The following ORC2 variants were observed in gnomAD, a reference collection of about 807,000 sequenced individuals.
The protein encoded by ORC2 is origin recognition complex protein 2 homolog.
Under a neutral mutation model 77.7 loss-of-function variants are expected in ORC2, and 37 were observed. The observed-to-expected ratio is 0.48, with a 90% CI of 0.37 to 0.63. The LOEUF (loss-of-function observed/expected upper bound fraction) is 0.63, where lower values mean the gene tolerates loss of function less well. ORC2 is among the 20% of genes least tolerant of loss of function. The pLI, the probability that ORC2 is intolerant of heterozygous loss-of-function variation, is 0.00. For missense variants in ORC2, 557 were observed against 661.9 expected (o/e 0.84, Z 1.74); for synonymous variants, 201 against 229.5 (o/e 0.88, Z 1.12).
At chr2:200,947,978 G>A (rs1220668283) in intron 5 of ORC2, among the ~76,000 whole-genome samples, 5 of 151,532 alleles carry the variant, frequency 3.3e-5, no homozygotes, top group Non-Finnish European at 5.9e-5. Context: ...GCGCGATCTC[G>A]GCTCACTGCA....
At position 200,921,022 on chromosome 2, in the gene ORC2, G is replaced by T. The variant is rs1449292152; in HGVS notation, c.1265C>A (p.Ala422Glu). The part of the protein sequence containing the change: ...LSSLHNIYLI[A>E]SIDHLNAPLM... Reference sequence around the variant, plus strand: ...AGGAGCATTGAGGTGGTCAATGGATGCTATAAGGTAAATGTTATGCAAAGA... The same window carrying T: ...AGGAGCATTGAGGTGGTCAATGGATTCTATAAGGTAAATGTTATGCAAAGA... The change falls in exon 14 of 18, where the codon GCA (alanine) becomes GAA (glutamate). Residue 422 changes from alanine to glutamate, a missense_variant. Ala to Glu is a moderately radical substitution (Grantham distance 107, BLOSUM62 -1). Transcript: ENST00000234296. 8 of 1,598,866 alleles carry T rather than the reference G, an allele frequency of 5.0e-6. No homozygotes were observed. Among genetic ancestry groups the T allele is most frequent in the Non-Finnish European group, 6.8e-6 (8 of 1,171,740 alleles).
Position 200,920,995 on chromosome 2 carries a change from A to T in ORC2, c.1292T>A (p.Leu431His). 6.4e-7 allele frequency: 1 copy of T among 1,557,680 alleles called. No individual in the cohort carries two copies. Among genetic ancestry groups the T allele is most frequent in the Non-Finnish European group, 8.7e-7 (1 of 1,151,030 alleles). ...AAAAATAGTAACAATTAACTTACTG[A>T]GAGGAGCATTGAGGTGGTCAATGGA... is the stretch of plus-strand genomic sequence containing the variant. Reference protein sequence around the residue: ...IASIDHLNAPLMWDHAKQSLF... With the variant: ...IASIDHLNAPHMWDHAKQSLF... Residue 431 changes from leucine (L) to histidine (H), a missense_variant and splice_region_variant, in exon 14 of 18, where the codon CTC becomes CAC. Transcript: ENST00000234296.
intron 10 of ORC2, among the ~76,000 whole-genome samples, chr2:200,932,167 G>A (rs1441469318): frequency 6.6e-6 from 1 of 150,924 alleles, no homozygotes; most frequent in Non-Finnish European, 1.5e-5. Context: ...TGTTAAGTAG[G>A]TAGTTAAAAA....
rs540599862 is a variant in ORC2, at chr2:200,943,807, T to G, written c.329-1030A>C. 4.6e-5 allele frequency among the ~76,000 whole-genome samples: 7 copies of G among 152,188 alleles called. No individual in the cohort carries two copies. The South Asian group carries it at 1.2e-3, about 27-fold the overall frequency. On this transcript the variant is annotated intron_variant, in intron 5 of 17. Transcript: ENST00000234296. The stretch of plus-strand genomic sequence containing the variant: ...TTCTATATGATTCACTAAGTTTTTT[T>G]TTTTTTTTTAATCTTCCCTTGATAT...
intron 10 of ORC2, among the ~76,000 whole-genome samples, chr2:200,933,096 C>T (rs763763803): frequency 2.0e-5 from 3 of 151,986 alleles, no homozygotes; most frequent in African/African-American, 4.8e-5. Flanking sequence ...TTCTCTGATC[C>T]GAGTCTCAAT....
At chr2:200,941,738 G>A (rs1575172895) in intron 6 of ORC2, among the ~76,000 whole-genome samples, 1 of 152,160 alleles carries the variant, frequency 6.6e-6, no homozygotes, top group Non-Finnish European at 1.5e-5. Flanking sequence ...CGTAATCCCA[G>A]CACTTTGGGA....
chr2:200,960,751 T>C (rs2041555875), intron 1 of ORC2, among the ~76,000 whole-genome samples: 1 of 152,156 alleles, frequency 6.6e-6, no homozygotes, highest in African/African-American at 2.4e-5. Flanking sequence ...TCTATTAGGG[T>C]TGAAATTCAC....
chr2:200,963,316 G>T, intron 1 of ORC2, 174 bp downstream of exon 1: 1 of 397,062 alleles, frequency 2.5e-6, no homozygotes, highest in Non-Finnish European at 4.4e-6. Context: ...AGCCTGCGGG[G>T]GGCAGCGAGG....
intron 4 of ORC2, among the ~76,000 whole-genome samples, chr2:200,950,680 C>A (rs1452025175): frequency 6.6e-6 from 1 of 152,080 alleles, no homozygotes; most frequent in Non-Finnish European, 1.5e-5. Flanking sequence ...GAAAACAATG[C>A]CCTCCTCATT....
chr2:200,961,441 T>A (rs1304087337), intron 1 of ORC2, among the ~76,000 whole-genome samples: 4 of 152,210 alleles, frequency 2.6e-5, no homozygotes, highest in Non-Finnish European at 5.9e-5. Context: ...TGTGAACCAC[T>A]GTGCTGGACG....
chr2:200,921,075 C>T lies in ORC2; in HGVS notation c.1212G>A (p.Lys404=), dbSNP rs761117302. 6.2e-7 allele frequency: 1 copy of T among 1,609,962 alleles called. No individual in the cohort carries two copies. Among genetic ancestry groups the T allele is most frequent in the South Asian group, 1.1e-5 (1 of 90,502 alleles). Residue 404 remains lysine, a synonymous_variant, in exon 14 of 18, where the codon AAG becomes AAA. Transcript: ENST00000234296. Reference sequence around the variant, plus strand: ...ACAACTGACCAATGATTTGCTGGCTCTTCTCTCCTCTCAACATCTGGCTAT... The same window carrying T: ...ACAACTGACCAATGATTTGCTGGCTTTTCTCTCCTCTCAACATCTGGCTAT... ...NLDSQMLRGE[K]SQQIIGQLSS... is the part of the protein sequence containing the mutation.
chr2:200,911,352 A>C lies in ORC2; in HGVS notation c.1683T>G (p.Val561=), dbSNP rs1353314403. The stretch of plus-strand genomic sequence containing the variant: ...AGAAATCAGTCAATGTTCCATTATC[A>C]ACAGGAATTAATAAATACTCTACTC... ...TDGVEYLLIP[V]DNGTLTDFLE... is the part of the protein sequence containing the mutation. The change falls in exon 18 of 18, where the codon GTT becomes GTG. Residue 561 remains valine (V), a synonymous_variant. Transcript: ENST00000234296. 4 of 1,606,368 alleles carry C rather than the reference A, an allele frequency of 2.5e-6. No individual in the cohort carries two copies. The highest frequency in any genetic ancestry group is 1.3e-5 in the African/African-American group (1 of 74,912).
At position 200,935,798 on chromosome 2, in the gene ORC2, A is replaced by G. The variant is rs2041032753; in HGVS notation, c.609T>C (p.Asn203=). The change falls in exon 9 of 18, where the codon AAT becomes AAC. Residue 203 remains asparagine, a synonymous_variant. Coordinates refer to ENST00000234296, the MANE Select transcript of ORC2 (RefSeq NM_006190.5). ...GVAQEHEEDT[N]AVIFSQKIQA... is the part of the protein sequence containing the mutation. ...GAATCTTTTGGCTGAATATGACTGC[A>G]TTAGTGTCCTCTTCATGTTCCTGTG... 1 of 1,614,076 alleles carries G rather than the reference A, an allele frequency of 6.2e-7. No homozygotes were observed. Among genetic ancestry groups the G allele is most frequent in the Non-Finnish European group, 8.5e-7 (1 of 1,179,976 alleles).
Position 200,949,610 on chromosome 2 carries a change from C to T in ORC2, c.272G>A (p.Gly91Glu). 4 of 1,602,978 alleles carry T rather than the reference C, an allele frequency of 2.5e-6. No individual in the cohort carries two copies. Among genetic ancestry groups the T allele is most frequent in the Non-Finnish European group, 3.4e-6 (4 of 1,171,266 alleles). The part of the protein sequence containing the change: ...SLKNGSATGG[G>E]NKVYSFQNRK... The stretch of plus-strand genomic sequence containing the variant: ...ATTCTGAAAAGAATAAACTTTATTT[C>T]CACCACCTGTAGCAGAGCCATTTTT... Residue 91 changes from glycine to glutamate, a missense_variant, in exon 5 of 18, where the codon GGA becomes GAA. Gly to Glu is a moderately conservative substitution (Grantham distance 98, BLOSUM62 -2). Coordinates refer to ENST00000234296, the MANE Select transcript of ORC2 (RefSeq NM_006190.5).
intron 1 of ORC2, among the ~76,000 whole-genome samples, chr2:200,961,097 CTA>C (rs1293405794): frequency 4.6e-5 from 7 of 151,844 alleles, no homozygotes; most frequent in African/African-American, 1.7e-4. Flanking sequence ...CCTGACCACT[CTA>C]TTACACCACA....
chr2:200,962,486 C>G (rs1026802431), intron 1 of ORC2, among the ~76,000 whole-genome samples: 2 of 152,240 alleles, frequency 1.3e-5, no homozygotes, highest in Admixed American at 1.3e-4. Flanking sequence ...AATCTCCACT[C>G]CATACTTTAT....
chr2:200,925,042 C>T (rs1183286745), intron 13 of ORC2, among the ~76,000 whole-genome samples: 1 of 152,160 alleles, frequency 6.6e-6, no homozygotes, highest in Non-Finnish European at 1.5e-5. Flanking sequence ...TTACAGGCGT[C>T]AGCCACTGCG....
chr2:200,946,998 G>A (rs1318610293), intron 5 of ORC2, among the ~76,000 whole-genome samples: 1 of 152,034 alleles, frequency 6.6e-6, no homozygotes, highest in African/African-American at 2.4e-5. Context: ...CACGTTCTGG[G>A]TTCAAGTGAT....
chr2:200,951,353 A>G lies in ORC2; in HGVS notation c.239-1710T>C, dbSNP rs537082944. 7.0e-4 allele frequency among the ~76,000 whole-genome samples: 106 copies of G among 152,344 alleles called. 1 individual carries two copies. The highest frequency in any genetic ancestry group is 2.4e-3 in the African/African-American group (101 of 41,580). ...TCCACCTGCAGGTTTTTGTGTGGAC[A>G]TAAGTATTCAACTCATTTGGGTAAA... On this transcript the variant is annotated intron_variant, in intron 4 of 17. Coordinates refer to ENST00000234296, the MANE Select transcript of ORC2 (RefSeq NM_006190.5).
Sources: allele counts gnomAD v4.1 joint callset (sites outside exome capture counted in the v4.1 genomes callset), GRCh38; gene constraint gnomAD v4.1.1; transcripts MANE v1.5; gene names NCBI Gene and HGNC (gene_info 2026-07-23, HGNC 2026-07-21).